TBC1D5: variants seen among roughly 807,000 people sequenced by gnomAD.
TBC1D5 encodes TBC1 domain family, member 5.
In TBC1D5, 75 loss-of-function variants were observed where a neutral mutation model predicts 100.3. The ratio of observed to expected loss-of-function variants is 0.75; its 90% CI spans 0.62 to 0.91. The LOEUF (loss-of-function observed/expected upper bound fraction) is 0.91. Ranked by LOEUF, TBC1D5 falls within the 40% of genes least tolerant of loss-of-function variation. The pLI is 0.00. For missense variants in TBC1D5, 910 were observed against 942.4 expected (o/e 0.97, Z 0.45); for synonymous variants, 323 against 325.6 (o/e 0.99, Z 0.09).
chr3:17,183,807 G>C (rs1329005471), intron 19 of TBC1D5, among the ~76,000 whole-genome samples: 1 of 152,214 alleles, frequency 6.6e-6, no homozygotes, highest in Non-Finnish European at 1.5e-5. Flanking sequence ...ACTTGTAATG[G>C]CTTAGAGCTT....
At chr3:17,526,034 G>A (rs903156763) in intron 2 of TBC1D5, among the ~76,000 whole-genome samples, 1 of 152,124 alleles carries the variant, frequency 6.6e-6, no homozygotes, top group Admixed American at 6.5e-5. Flanking sequence ...CAGAAATTAA[G>A]TCATATTTCT....
chr3:17,262,648 A>AT (rs1361472407), intron 15 of TBC1D5, among the ~76,000 whole-genome samples: 3 of 151,350 alleles, frequency 2.0e-5, no homozygotes, highest in African/African-American at 7.3e-5. Flanking sequence ...CGCCCAGCTA[A>AT]TTTTTTGTAT....
intron 2 of TBC1D5, among the ~76,000 whole-genome samples, chr3:17,615,093 AG>A (rs2062031665): frequency 6.6e-6 from 1 of 152,232 alleles, no homozygotes. Context: ...TTTAGCATGA[AG>A]GGCTGTTGAA....
At chr3:17,188,067 G>A (rs1012128342) in intron 18 of TBC1D5, among the ~76,000 whole-genome samples, 1 of 152,232 alleles carries the variant, frequency 6.6e-6, no homozygotes, top group East Asian at 1.9e-4. Flanking sequence ...GGCACAGCCT[G>A]TTGGCAGTGA....
intron 1 of TBC1D5, among the ~76,000 whole-genome samples, chr3:17,634,474 G>A (rs1004600483): frequency 2.0e-5 from 3 of 152,100 alleles, no homozygotes; most frequent in African/African-American, 7.2e-5. Flanking sequence ...AAGTCGGGCA[G>A]AGAAAGACAA....
intron 2 of TBC1D5, among the ~76,000 whole-genome samples, chr3:17,593,356 C>T (rs2060355993): frequency 6.6e-6 from 1 of 152,142 alleles, no homozygotes; most frequent in South Asian, 2.1e-4. Flanking sequence ...CACACGGGCT[C>T]AATAACATGG....
intron 2 of TBC1D5, among the ~76,000 whole-genome samples, chr3:17,564,073 T>C (rs114824717): frequency 0.014 from 2,179 of 152,314 alleles, 18 homozygotes; most frequent in African/African-American, 0.02. Flanking sequence ...TGAGCCACCG[T>C]GCCCGGCCTT....
intron 3 of TBC1D5, among the ~76,000 whole-genome samples, chr3:17,433,609 A>G (rs1163803697): frequency 1.3e-5 from 2 of 152,256 alleles, no homozygotes; most frequent in African/African-American, 4.8e-5. Flanking sequence ...ATATTTCAAT[A>G]TGAGATTTGG....
intron 1 of TBC1D5, among the ~76,000 whole-genome samples, chr3:17,724,030 C>T (rs1015156493): frequency 6.6e-6 from 1 of 151,450 alleles, no homozygotes; most frequent in African/African-American, 2.4e-5. Context: ...TTTACCCTTA[C>T]TCCTGAAATA....
intron 9 of TBC1D5, among the ~76,000 whole-genome samples, chr3:17,379,390 G>C (rs971396162): frequency 6.6e-6 from 1 of 151,990 alleles, no homozygotes; most frequent in African/African-American, 2.4e-5. Context: ...GTTATGGCTA[G>C]TTTAATAAGA....
intron 8 of TBC1D5, among the ~76,000 whole-genome samples, chr3:17,391,294 C>T (rs2093343677): frequency 6.6e-6 from 1 of 152,026 alleles, no homozygotes. Context: ...TAAAGCAGCA[C>T]ATTAGAGAGA....
intron 2 of TBC1D5, among the ~76,000 whole-genome samples, chr3:17,595,271 G>A (rs1293629044): frequency 6.6e-6 from 1 of 152,088 alleles, no homozygotes; most frequent in African/African-American, 2.4e-5. Flanking sequence ...TGTCCCTCTA[G>A]AGAACCCGAA....
intron 2 of TBC1D5, among the ~76,000 whole-genome samples, chr3:17,595,985 G>A (rs371095943): frequency 1.3e-5 from 2 of 152,206 alleles, no homozygotes; most frequent in African/African-American, 4.8e-5. Context: ...AGGAGTGCCA[G>A]CTGAGGAAAG....
chr3:17,586,162 A>T (rs779801904), intron 2 of TBC1D5, among the ~76,000 whole-genome samples: 8 of 152,190 alleles, frequency 5.3e-5, no homozygotes, highest in Non-Finnish European at 1.2e-4. Flanking sequence ...ACAGAAACAG[A>T]TCAGGAAACT....
At chr3:17,502,833 A>T (rs2095801571) in intron 3 of TBC1D5, among the ~76,000 whole-genome samples, 1 of 149,560 alleles carries the variant, frequency 6.7e-6, no homozygotes, top group South Asian at 2.1e-4. Flanking sequence ...ATGTCACTGC[A>T]AACTTCTCTC....
intron 1 of TBC1D5, among the ~76,000 whole-genome samples, chr3:17,647,971 T>C (rs1476222745): frequency 2.0e-5 from 3 of 151,994 alleles, no homozygotes; most frequent in East Asian, 3.9e-4. Flanking sequence ...TTCACAGAAA[T>C]AGAAGAAAAT....
At chr3:17,510,520 T>G (rs2095892348) in intron 2 of TBC1D5, among the ~76,000 whole-genome samples, 1 of 152,062 alleles carries the variant, frequency 6.6e-6, no homozygotes, top group Non-Finnish European at 1.5e-5. Context: ...TTTGCTTATG[T>G]GTGCCAATCA....
At position 17,668,543 on chromosome 3, in the gene TBC1D5, TA is replaced by T. The variant is rs1349675882; in HGVS notation, c.-100-44631del. On this transcript the variant is annotated intron_variant, in intron 1 of 21. Coordinates refer to ENST00000253692, the Ensembl canonical transcript of TBC1D5. ...ACTACCCTAAAGGATGGAATTTTAC[TA>T]ATATAATCTATTAATATTGTTTCAT... is the stretch of plus-strand genomic sequence containing the variant. Among the ~76,000 whole-genome samples, 3 of 152,148 alleles carry T rather than the reference TA, an allele frequency of 2.0e-5. No individual in the cohort carries two copies. The East Asian group carries it at 5.8e-4, about 29-fold the overall frequency.
At chr3:17,367,739 A>G (rs2092242845) in intron 13 of TBC1D5, among the ~76,000 whole-genome samples, 1 of 151,938 alleles carries the variant, frequency 6.6e-6, no homozygotes, top group Non-Finnish European at 1.5e-5. Flanking sequence ...GGCGTCTATA[A>G]TCCTAGCTAC....
Sources: allele counts gnomAD v4.1 joint callset (sites outside exome capture counted in the v4.1 genomes callset), GRCh38; gene constraint gnomAD v4.1.1; transcripts MANE v1.5; gene names NCBI Gene and HGNC (gene_info 2026-07-23, HGNC 2026-07-21).